The following FAM181A variants were observed in gnomAD, a reference collection of about 807,000 sequenced individuals.
FAM181A encodes the protein protein FAM181A.
FAM181A carries 7 observed loss-of-function variants against 16.3 expected under a neutral mutation model. That is an observed-to-expected ratio of 0.43 (90% CI 0.24 to 0.81). FAM181A has a LOEUF of 0.81. FAM181A is among the 30% of genes least tolerant of loss of function. The pLI is 0.24. For synonymous variants in FAM181A, 183 were observed against 164.9 expected (o/e 1.11, Z -0.84); for missense variants, 349 against 377.5 (o/e 0.92, Z 0.63).
rs1888032891 is a variant in FAM181A at position 93,928,758 on chromosome 14, G to A, written c.473G>A (p.Gly158Asp). The A allele has an allele frequency of 6.2e-7, 1 of 1,613,840 alleles. No homozygotes were observed. Among genetic ancestry groups the A allele is most frequent in the African/African-American group, 1.3e-5 (1 of 74,936 alleles). Residue 158 changes from glycine (G) to aspartate (D), a missense_variant, in exon 2 of 2, where the codon GGC becomes GAC. Coordinates refer to ENST00000556222, the MANE Select transcript of FAM181A (RefSeq NM_001207073.2). ...CATGTGGGGCTGGAGGGGGGACTGG[G>A]CCCCAGGGAGGGACCTCCCTATGAG... is the stretch of plus-strand genomic sequence containing the variant. ...SYHVGLEGGL[G>D]PREGPPYEGK...
At chr14:93,927,314 G>A, upstream of FAM181A, 1 of 1,059,880 alleles carries the variant, frequency 9.4e-7, no homozygotes, top group African/African-American at 1.7e-5. Flanking sequence ...GCTCCGGGGA[G>A]TTGTCCTCCA....
At chr14:93,925,064 A>G (rs954267086), upstream of FAM181A, 7 of 534,984 alleles carry the variant, frequency 1.3e-5, no homozygotes, top group African/African-American at 9.9e-5. Flanking sequence ...GTGGAAGAAC[A>G]GCCCACATTA....
In FAM181A at chr14:93,929,032, C is replaced by A; in HGVS notation, c.747C>A (p.Pro249=). 1 of 1,605,106 alleles carries A rather than the reference C, an allele frequency of 6.2e-7. No homozygotes were observed. The highest frequency in any genetic ancestry group is 8.5e-7 in the Non-Finnish European group (1 of 1,174,778). ...LGLWRKSPAF[P]GELAHLCKDV... ...TTTGGAGGAAGAGCCCAGCCTTTCC[C>A]GGGGAGCTGGCGCACCTCTGCAAGG... The change falls in exon 2 of 2, where the codon CCC becomes CCA. Residue 249 remains proline (P), a synonymous_variant. Transcript: ENST00000556222.
chr14:93,927,049 CA>C, upstream of FAM181A: 1 of 166,634 alleles, frequency 6.0e-6, no homozygotes, highest in South Asian at 1.7e-4. Context: ...CACACACACA[CA>C]CACACACACA....
At chr14:93,920,555 C>T (rs1887687246) in intron 1 of FAM181A, among the ~76,000 whole-genome samples, 1 of 151,970 alleles carries the variant, frequency 6.6e-6, no homozygotes, top group African/African-American at 2.4e-5. Context: ...TAGCATAGTA[C>T]AAATTGTAAA....
At position 93,929,229 on chromosome 14, in the gene FAM181A, C is replaced by T; in HGVS notation, c.*65C>T. ...GGAGTGTCGAGGTCCCCGAGGCGCT[C>T]TCCTGTGAGGAGGTGGCTGGGCCAC... On this transcript the variant is annotated 3_prime_UTR_variant, in exon 2 of 2. Transcript: ENST00000556222. 6.7e-7 allele frequency: 1 copy of T among 1,494,116 alleles called. No individual in the cohort carries two copies. 92.6% of individuals were successfully genotyped at this position (1,494,116 alleles called of 1,614,324 possible).
rs1888049716 is a variant in FAM181A, at chr14:93,929,018, A to T, written c.733A>T (p.Ser245Cys). 1 of 1,607,608 alleles carries T rather than the reference A, an allele frequency of 6.2e-7. No homozygotes were observed. ...PVPSLGLWRK[S>C]PAFPGELAHL... is the part of the protein sequence containing the mutation. ...CCCCAGCCTGGGCCTTTGGAGGAAG[A>T]GCCCAGCCTTTCCCGGGGAGCTGGC... The change falls in exon 2 of 2, where the codon AGC becomes TGC. Residue 245 changes from serine to cysteine, a missense_variant. Physicochemically the swap from Ser to Cys is moderately radical, Grantham distance 112. Transcript: ENST00000556222.
At chr14:93,919,199 C>G (rs552282943) in intron 1 of FAM181A, among the ~76,000 whole-genome samples, 1 of 152,312 alleles carries the variant, frequency 6.6e-6, no homozygotes, top group South Asian at 2.1e-4. Context: ...GACTATGAAC[C>G]AGGAGATTGA....
At chr14:93,927,060 A>ACACACACACACACACACC (rs143090510), upstream of FAM181A, 12,078 of 153,602 alleles carry the variant, frequency 0.079, 785 homozygotes, top group East Asian at 0.28. Flanking sequence ...ACACACACAC[A>ACACACACACACACACACC]CCCCACCCCC....
chr14:93,929,309 G>A lies in FAM181A; in HGVS notation c.*145G>A. 1.8e-6 allele frequency: 2 copies of A among 1,136,164 alleles called. No homozygotes were observed. Among genetic ancestry groups the A allele is most frequent in the Non-Finnish European group, 2.4e-6 (2 of 847,028 alleles). The allele number at this position is 1,136,164 out of a possible 1,614,324, so 70.4% of individuals were successfully genotyped here. ...GGGAGTGGAGGGCAGGATTGGGGCA[G>A]GGCTCCTCAGGCAGTGACCCTTCAG... On this transcript the variant is annotated 3_prime_UTR_variant, in exon 2 of 2. Transcript: ENST00000556222.
At chr14:93,920,461 A>G (rs915185544) in intron 1 of FAM181A, among the ~76,000 whole-genome samples, 3 of 151,774 alleles carry the variant, frequency 2.0e-5, no homozygotes, top group African/African-American at 7.3e-5. Context: ...GAAGGAAGGA[A>G]AGAAGGAAAG....
At chr14:93,924,429 C>A (rs1012878644), upstream of FAM181A, among the ~76,000 whole-genome samples, 1 of 152,196 alleles carries the variant, frequency 6.6e-6, no homozygotes, top group African/African-American at 2.4e-5. Flanking sequence ...AGACCCAGGA[C>A]AATAATGAGA....
chr14:93,921,340 G>A (rs1189551753), intron 1 of FAM181A, among the ~76,000 whole-genome samples: 1 of 152,234 alleles, frequency 6.6e-6, no homozygotes, highest in African/African-American at 2.4e-5. Context: ...TGCAGCCAGG[G>A]GTGCTGGGGC....
chr14:93,924,243 G>A (rs1048170100), upstream of FAM181A, among the ~76,000 whole-genome samples: 2 of 152,184 alleles, frequency 1.3e-5, no homozygotes, highest in Admixed American at 1.3e-4. Context: ...GGGAGAGGGC[G>A]TTATTAACAA....
chr14:93,927,265 T>C, upstream of FAM181A: 1 of 1,011,206 alleles, frequency 9.9e-7, no homozygotes, highest in Non-Finnish European at 1.2e-6. Flanking sequence ...ATGCTTTGTA[T>C]CTGGAGAGGC....
Position 93,928,338 on chromosome 14 carries a change from C to CCAG in FAM181A, c.55_57dup (p.Ser19dup). On this transcript the variant is annotated inframe_insertion, in exon 2 of 2. Transcript: ENST00000556222. Reference sequence around the variant, plus strand: ...CTGCTGAACTTCGTGAACCTGGCGTCCAGCGACATCAAGGCAGCCCTGGAT... The same window carrying CCAG: ...CTGCTGAACTTCGTGAACCTGGCGTCCAGCAGCGACATCAAGGCAGCCCTGGAT... 1 of 1,613,888 alleles carries CCAG rather than the reference C, an allele frequency of 6.2e-7. No homozygotes were observed. The highest frequency in any genetic ancestry group is 8.5e-7 in the Non-Finnish European group (1 of 1,180,024).
At chr14:93,919,304 G>A (rs1366921714) in intron 1 of FAM181A, among the ~76,000 whole-genome samples, 1 of 152,190 alleles carries the variant, frequency 6.6e-6, no homozygotes, top group Non-Finnish European at 1.5e-5. Context: ...TGAGGAATAG[G>A]AGGCTCAGAG....
At chr14:93,925,290 A>G (rs1410842673), upstream of FAM181A, 1 of 1,613,612 alleles carries the variant, frequency 6.2e-7, no homozygotes, top group Non-Finnish European at 8.5e-7. Context: ...AGAAGAGAGA[A>G]GATCTTCTGG....
At chr14:93,921,314 G>A (rs747213667) in intron 1 of FAM181A, among the ~76,000 whole-genome samples, 1 of 152,246 alleles carries the variant, frequency 6.6e-6, no homozygotes, top group Non-Finnish European at 1.5e-5. Context: ...AGTGGTCTCT[G>A]TCACTGGAGG....
Sources: allele counts gnomAD v4.1 joint callset (sites outside exome capture counted in the v4.1 genomes callset), GRCh38; gene constraint gnomAD v4.1.1; transcripts MANE v1.5; gene names NCBI Gene and HGNC (gene_info 2026-07-23, HGNC 2026-07-21).